ERMARD: variants seen among roughly 807,000 people sequenced by gnomAD.
The protein encoded by ERMARD is endoplasmic reticulum membrane-associated RNA degradation protein.
A neutral mutation model predicts 83.9 loss-of-function variants in ERMARD; 71 were observed. The observed-to-expected ratio is 0.85, with a 90% CI of 0.70 to 1.03. The LOEUF (loss-of-function observed/expected upper bound fraction) is 1.03, where lower values mean the gene tolerates loss of function less well. Ranked by LOEUF, ERMARD falls within the 50% of genes least tolerant of loss-of-function variation. ERMARD has a pLI of 0.00. For synonymous variants in ERMARD, 284 were observed against 298.6 expected (o/e 0.95, Z 0.50); for missense variants, 838 against 810.9 (o/e 1.03, Z -0.41).
Position 169,769,657 on chromosome 6 carries a change from T to G in ERMARD, c.1177T>G (p.Phe393Val). The change falls in exon 12 of 18, where the codon TTT becomes GTT. Residue 393 changes from phenylalanine (F) to valine (V), a missense_variant. Phe to Val is a conservative substitution (Grantham distance 50, BLOSUM62 -1). Transcript: ENST00000366773. The stretch of plus-strand genomic sequence containing the variant: ...AGAAACAACTAATCAGTTGCTTGCA[T>G]TTTCTCTTGTACTGCTACTCAGATT... The part of the protein sequence containing the change: ...SKETTNQLLA[F>V]SLVLLLRFVD... The G allele has an allele frequency of 6.2e-7, 1 of 1,613,038 alleles. No homozygotes were observed. The highest frequency in any genetic ancestry group is 8.5e-7 in the Non-Finnish European group (1 of 1,179,542).
intron 2 of ERMARD, among the ~76,000 whole-genome samples, chr6:169,754,439 G>A (rs1408818174): frequency 6.6e-6 from 1 of 152,140 alleles, no homozygotes; most frequent in Non-Finnish European, 1.5e-5. Flanking sequence ...TATAGGTGGG[G>A]AAATTTAATA....
intron 9 of ERMARD, among the ~76,000 whole-genome samples, chr6:169,765,915 G>GC (rs1562333233): frequency 6.1e-5 from 5 of 82,286 alleles, no homozygotes; most frequent in Admixed American, 1.2e-4. Flanking sequence ...TCACTGAAGT[G>GC]ATTTCGTCAC....
rs2128348204 is a variant in ERMARD, at chr6:169,762,435, T to C, written c.864T>C (p.Ala288=). The change falls in exon 9 of 18, where the codon GCT becomes GCC. Residue 288 remains alanine, a synonymous_variant. Transcript: ENST00000366773. Reference sequence around the variant, plus strand: ...TTTCCCTTCAATTTCATAGGTTTGCTGACTGCGCCATATTGTTGCTGACAC... The same window carrying C: ...TTTCCCTTCAATTTCATAGGTTTGCCGACTGCGCCATATTGTTGCTGACAC... The part of the protein sequence containing the change: ...ALVKFKSHRF[A]DCAILLLTQL... 1.2e-6 allele frequency: 2 copies of C among 1,613,828 alleles called. No individual in the cohort carries two copies. The highest frequency in any genetic ancestry group is 8.5e-7 in the Non-Finnish European group (1 of 1,179,900).
chr6:169,766,883 C>T, intron 10 of ERMARD: 1 of 459,146 alleles, frequency 2.2e-6, no homozygotes, highest in Non-Finnish European at 3.8e-6. Context: ...ATCCAAAGCT[C>T]AAAGTTGGAA....
Position 169,781,373 on chromosome 6 carries a change from T to G in ERMARD, c.1897T>G (p.Tyr633Asp), listed in dbSNP as rs1187367904. ...ILQYTENLVA[Y>D]TSYEKNKWNE... is the part of the protein sequence containing the mutation. ...GCAGTACACGGAGAACCTGGTGGCT[T>G]ACACCAGTTACGAAAAGAACAAGTG... is the stretch of plus-strand genomic sequence containing the variant. The change falls in exon 18 of 18, where the codon TAC (tyrosine) becomes GAC (aspartate). Residue 633 changes from tyrosine to aspartate, a missense_variant. Transcript: ENST00000366773. The G allele has an allele frequency of 6.2e-7, 1 of 1,612,672 alleles. No individual in the cohort carries two copies.
chr6:169,760,581 G>GT, intron 7 of ERMARD, 61 bp from the exon 8 acceptor site: 1 of 1,244,818 alleles, frequency 8.0e-7, no homozygotes, highest in Non-Finnish European at 1.1e-6. Flanking sequence ...CCCCCAGCAT[G>GT]TTTCCATCTT....
At chr6:169,772,724 C>A (rs1237501555) in intron 12 of ERMARD, among the ~76,000 whole-genome samples, 1 of 145,772 alleles carries the variant, frequency 6.9e-6, no homozygotes, top group Non-Finnish European at 1.5e-5. Context: ...GAGCCGAGAT[C>A]GCGCCAGTGC....
chr6:169,764,818 C>T (rs1791999414), intron 9 of ERMARD, among the ~76,000 whole-genome samples: 1 of 152,204 alleles, frequency 6.6e-6, no homozygotes, highest in African/African-American at 2.4e-5. Flanking sequence ...TCCTCACCCC[C>T]AGATTTTCCG....
At chr6:169,771,540 T>C (rs1792917271) in intron 12 of ERMARD, 1 of 152,218 alleles carries the variant, frequency 6.6e-6, no homozygotes, top group African/African-American at 2.4e-5. Context: ...CAAATAAGAA[T>C]GAGGCCCTCG....
At chr6:169,752,609 G>C (rs1790274148) in intron 1 of ERMARD, among the ~76,000 whole-genome samples, 1 of 152,194 alleles carries the variant, frequency 6.6e-6, no homozygotes, top group South Asian at 2.1e-4. Context: ...TGCAGGAGGA[G>C]CAAACAGGGC....
In ERMARD at chr6:169,753,917, A is replaced by G. The variant is rs572770346; in HGVS notation, c.60A>G (p.Ile20Met). The G allele has an allele frequency of 1.2e-6, 2 of 1,613,194 alleles. No individual in the cohort carries two copies. Among genetic ancestry groups the G allele is most frequent in the African/African-American group, 2.7e-5 (2 of 74,982 alleles). Residue 20 changes from isoleucine to methionine, a missense_variant, in exon 2 of 18, where the codon ATA becomes ATG. Coordinates refer to ENST00000366773, the MANE Select transcript of ERMARD (RefSeq NM_018341.3). Reference protein sequence around the residue: ...TTCLSPSVYDIICNLGFQLRE... With the variant: ...TTCLSPSVYDMICNLGFQLRE... ...GTCTTTCTCCCTCAGTGTATGATAT[A>G]ATTTGTAATCTTGGGTTTCAACTCA...
intron 17 of ERMARD, among the ~76,000 whole-genome samples, chr6:169,780,060 C>T (rs567410763): frequency 9.9e-5 from 15 of 152,248 alleles, no homozygotes; most frequent in Admixed American, 5.2e-4. Flanking sequence ...TTTAAATGAA[C>T]GTGAAAATAC....
intron 13 of ERMARD, 26 bp downstream of exon 13, chr6:169,773,428 G>T: frequency 6.2e-7 from 1 of 1,610,882 alleles, no homozygotes; most frequent in Non-Finnish European, 8.5e-7. Flanking sequence ...GGTCCCGGGA[G>T]GGGCGTGTAT....
In ERMARD at chr6:169,781,582, C is replaced by T. The variant is rs1280724761; in HGVS notation, c.*69C>T. 7.0e-7 allele frequency: 1 copy of T among 1,429,768 alleles called. No individual in the cohort carries two copies. The highest frequency in any genetic ancestry group is 2.4e-5 in the East Asian group (1 of 41,138). 88.6% of individuals were successfully genotyped at this position (1,429,768 alleles called of 1,614,324 possible). A position where few individuals can be genotyped will look rare whatever the true frequency, so the allele number is the denominator to read the frequency against. ...AGCGTGTAAATTAAAAACCCAAAGA[C>T]AGGGTGGAGTTGAGGGTCTGCTTGG... On this transcript the variant is annotated 3_prime_UTR_variant, in exon 18 of 18. Transcript: ENST00000366773.
At chr6:169,751,565 TAGGA>T, upstream of ERMARD, 1 of 1,608,800 alleles carries the variant, frequency 6.2e-7, no homozygotes, top group South Asian at 1.1e-5. Flanking sequence ...CCTCGTACGG[TAGGA>T]AGTGCCCGCC....
chr6:169,775,653 G>A (rs1793499308), intron 14 of ERMARD, among the ~76,000 whole-genome samples: 1 of 152,228 alleles, frequency 6.6e-6, no homozygotes, highest in Non-Finnish European at 1.5e-5. Flanking sequence ...AGAGAAGTAG[G>A]GATGGAGACA....
At chr6:169,760,784 T>C (rs748595240) in intron 8 of ERMARD, 28 bp downstream of exon 8, 1 of 1,502,630 alleles carries the variant, frequency 6.7e-7, no homozygotes, top group East Asian at 2.3e-5. Context: ...GGCAGAGTGG[T>C]TTGCAGTGGT....
At chr6:169,777,572 C>G (rs568467866) in intron 16 of ERMARD, among the ~76,000 whole-genome samples, 1 of 152,216 alleles carries the variant, frequency 6.6e-6, no homozygotes, top group East Asian at 1.9e-4. Flanking sequence ...ACAAATATTA[C>G]CAAGCTTCTA....
Position 169,773,112 on chromosome 6 carries a change from T to C in ERMARD, c.1234-207T>C, listed in dbSNP as rs138675734. On this transcript the variant is annotated intron_variant, in intron 12 of 17. Coordinates refer to ENST00000366773, the MANE Select transcript of ERMARD (RefSeq NM_018341.3). ...TGTGGCATTTGTGATCTATTATTGT[T>C]AATGGCCTCCATTTAAAATCATTTT... 6.9e-4 allele frequency: 357 copies of C among 519,578 alleles called. 1 individual carries two copies. The highest frequency in any genetic ancestry group is 6.0e-3 in the African/African-American group (317 of 52,828). 32.2% of individuals were successfully genotyped at this position (519,578 alleles called of 1,614,324 possible). A position where few individuals can be genotyped will look rare whatever the true frequency, so the allele number is the denominator to read the frequency against.
Sources: allele counts gnomAD v4.1 joint callset (sites outside exome capture counted in the v4.1 genomes callset), GRCh38; gene constraint gnomAD v4.1.1; transcripts MANE v1.5; gene names NCBI Gene and HGNC (gene_info 2026-07-23, HGNC 2026-07-21).